The following BMPR1A variants were observed in gnomAD, a reference collection of about 807,000 sequenced individuals.
BMPR1A encodes bone morphogenetic protein receptor type 1A, also known as bone morphogenetic protein receptor type-1A.
BMPR1A carries 7 observed loss-of-function variants against 66.0 expected under a neutral mutation model. That is an observed-to-expected ratio of 0.11 (90% CI 0.06 to 0.20). The LOEUF (loss-of-function observed/expected upper bound fraction) is 0.20. Ranked by LOEUF, BMPR1A falls within the 10% of genes least tolerant of loss-of-function variation. The pLI is 1.00. For synonymous variants in BMPR1A, 200 were observed against 229.7 expected (o/e 0.87, Z 1.17); for missense variants, 408 against 669.1 (o/e 0.61, Z 4.31).
intron 2 of BMPR1A, among the ~76,000 whole-genome samples, chr10:86,869,178 C>A (rs1449618656): frequency 6.6e-6 from 1 of 152,036 alleles, no homozygotes; most frequent in Non-Finnish European, 1.5e-5. Flanking sequence ...TGATTGTGGC[C>A]AGGCACGGTG....
At chr10:86,922,864 G>C (rs934968983) in intron 11 of BMPR1A, among the ~76,000 whole-genome samples, 1 of 152,230 alleles carries the variant, frequency 6.6e-6, no homozygotes, top group South Asian at 2.1e-4. Flanking sequence ...ACCGTTTCCG[G>C]TAAGTTTTAT....
chr10:86,877,052 C>G (rs1400314125), intron 3 of BMPR1A, among the ~76,000 whole-genome samples: 1 of 152,112 alleles, frequency 6.6e-6, no homozygotes, highest in African/African-American at 2.4e-5. Flanking sequence ...TACTGTTTTG[C>G]AAGAGGATTT....
intron 1 of BMPR1A, among the ~76,000 whole-genome samples, chr10:86,758,367 ATTTTT>A (rs200528013): frequency 7.1e-6 from 1 of 141,012 alleles, no homozygotes; most frequent in Non-Finnish European, 1.5e-5. Context: ...AAGAGGGAGA[ATTTTT>A]TTTTTTTTTT....
At position 86,893,615 on chromosome 10, in the gene BMPR1A, C is replaced by T. The variant is rs368829694; in HGVS notation, c.333+1386C>T. Among the ~76,000 whole-genome samples, 13 of 152,156 alleles carry T rather than the reference C, an allele frequency of 8.5e-5. No individual in the cohort carries two copies. In the East Asian group the frequency reaches 1.5e-3, roughly 18 times the overall value. On this transcript the variant is annotated intron_variant, in intron 5 of 12. Coordinates refer to ENST00000372037, the MANE Select transcript of BMPR1A (RefSeq NM_004329.3). ...CCATCCGGCTAACATGGTGAAACTC[C>T]GTCTCTACTAAAAATACAAAAAATT...
chr10:86,927,191 T>A lies in BMPR1A; in HGVS notation c.*3472T>A, dbSNP rs1203131480. 5.3e-6 allele frequency: 1 copy of A among 187,448 alleles called. No individual in the cohort carries two copies. The allele number at this position is 187,448 out of a possible 1,614,324, so 11.6% of individuals were successfully genotyped here. A position where few individuals can be genotyped will look rare whatever the true frequency, so the allele number is the denominator to read the frequency against. On this transcript the variant is annotated 3_prime_UTR_variant, in exon 13 of 13. Coordinates refer to ENST00000372037, the MANE Select transcript of BMPR1A (RefSeq NM_004329.3). ...TGTTTAGAACAAAAATGCACTATAGTTTTTAAAGAATCATGCATCTTTGGG... is the reference window on the plus strand; with the variant it reads ...TGTTTAGAACAAAAATGCACTATAGATTTTAAAGAATCATGCATCTTTGGG...
chr10:86,835,609 G>T (rs1426270138), intron 1 of BMPR1A, among the ~76,000 whole-genome samples: 1 of 112,784 alleles, frequency 8.9e-6, no homozygotes. Context: ...CCTAGATTGA[G>T]TAAAAGAATA....
chr10:86,802,512 T>C (rs140685960), intron 1 of BMPR1A, among the ~76,000 whole-genome samples: 2 of 152,200 alleles, frequency 1.3e-5, no homozygotes, highest in East Asian at 3.9e-4. Flanking sequence ...AAATTTGACG[T>C]GGGATGTCAC....
At chr10:86,778,724 C>G (rs370079254) in intron 1 of BMPR1A, among the ~76,000 whole-genome samples, 202 of 152,114 alleles carry the variant, frequency 1.3e-3, no homozygotes, top group African/African-American at 4.6e-3. Context: ...AATTTTGTAT[C>G]CTTTAACAAA....
chr10:86,789,229 A>G (rs892079382), intron 1 of BMPR1A, among the ~76,000 whole-genome samples: 5 of 152,212 alleles, frequency 3.3e-5, no homozygotes, highest in Non-Finnish European at 5.9e-5. Context: ...GTGACCTTGG[A>G]TTAGGCAGTG....
At chr10:86,911,429 T>C (rs892690712) in intron 7 of BMPR1A, among the ~76,000 whole-genome samples, 1 of 152,132 alleles carries the variant, frequency 6.6e-6, no homozygotes, top group African/African-American at 2.4e-5. Flanking sequence ...CAGGGAACAC[T>C]TCAATTGAAT....
intron 8 of BMPR1A, 21 bp from the exon 9 acceptor site, chr10:86,917,113 C>G (rs753924517): frequency 6.2e-7 from 1 of 1,613,140 alleles, no homozygotes; most frequent in Non-Finnish European, 8.5e-7. Flanking sequence ...GAGCTCAAAC[C>G]TTTTACTTTT....
intron 2 of BMPR1A, among the ~76,000 whole-genome samples, chr10:86,847,816 C>T (rs184982057): frequency 1.4e-4 from 22 of 151,848 alleles, no homozygotes; most frequent in Admixed American, 1.2e-3. Flanking sequence ...TCACCACCCT[C>T]CTTGCCCTCC....
chr10:86,893,830 TTAAAGGTTATGTTTCAACC>T (rs1843190818), intron 5 of BMPR1A, among the ~76,000 whole-genome samples: 1 of 151,958 alleles, frequency 6.6e-6, no homozygotes, highest in Non-Finnish European at 1.5e-5. Flanking sequence ...GATAGAAACC[TTAAAGGTTATGTTTCAACC>T]TCTCAGCTAA....
chr10:86,874,299 G>A (rs1842890825), intron 2 of BMPR1A, among the ~76,000 whole-genome samples: 1 of 152,124 alleles, frequency 6.6e-6, no homozygotes, highest in South Asian at 2.1e-4. Context: ...TATGTTTCAT[G>A]TCATCCATAT....
chr10:86,779,798 C>T (rs916730688), intron 1 of BMPR1A, among the ~76,000 whole-genome samples: 7 of 152,052 alleles, frequency 4.6e-5, no homozygotes, highest in Non-Finnish European at 7.4e-5. Context: ...GATTGGGTCT[C>T]GCTATGTTGC....
chr10:86,773,085 G>C (rs959201002), intron 1 of BMPR1A, among the ~76,000 whole-genome samples: 1 of 150,856 alleles, frequency 6.6e-6, no homozygotes, highest in South Asian at 2.1e-4. Context: ...TATCTGAATA[G>C]AAATAGAAAG....
intron 2 of BMPR1A, among the ~76,000 whole-genome samples, chr10:86,860,110 C>T (rs1041974329): frequency 3.3e-5 from 5 of 150,686 alleles, no homozygotes; most frequent in South Asian, 2.1e-4. Context: ...GTGAATAGCT[C>T]CTGCACTCCA....
intron 1 of BMPR1A, among the ~76,000 whole-genome samples, chr10:86,783,816 T>G (rs1434170453): frequency 6.6e-6 from 1 of 152,250 alleles, no homozygotes; most frequent in Non-Finnish European, 1.5e-5. Flanking sequence ...CTCGAAGTGC[T>G]GGAATTACAG....
chr10:86,838,820 C>T (rs1043231730), intron 1 of BMPR1A, 45 bp from the exon 2 acceptor site: 1 of 152,050 alleles, frequency 6.6e-6, no homozygotes, highest in African/African-American at 2.4e-5. Context: ...ATTATTCTGA[C>T]AAAGTTCCCT....
Sources: gnomAD v4.1 joint callset for allele counts (sites outside exome capture counted in the v4.1 genomes callset) on GRCh38, gnomAD v4.1.1 for gene constraint, MANE v1.5 for transcripts, NCBI Gene and HGNC (gene_info 2026-07-23, HGNC 2026-07-21) for gene names.